Variants in LPP observed in about 807,000 individuals in gnomAD.
LPP encodes the protein lipoma-preferred partner.
A neutral mutation model predicts 60.4 loss-of-function variants in LPP; 38 were observed. That is an observed-to-expected ratio of 0.63 (90% confidence interval 0.49 to 0.83). The LOEUF (loss-of-function observed/expected upper bound fraction) is 0.83. Ranked by LOEUF, LPP falls within the 40% of genes least tolerant of loss-of-function variation. The pLI is 0.00. For missense variants in LPP, 902 were observed against 783.6 expected (o/e 1.15, Z -1.80); for synonymous variants, 328 against 290.8 (o/e 1.13, Z -1.30).
At chr3:188,489,267 G>A (rs1165206430) in intron 5 of LPP, among the ~76,000 whole-genome samples, 1 of 152,138 alleles carries the variant, frequency 6.6e-6, no homozygotes, top group Non-Finnish European at 1.5e-5. Context: ...TCATTTTATG[G>A]TAAATTATGC....
chr3:188,532,915 C>T (rs573663723), intron 6 of LPP, among the ~76,000 whole-genome samples: 9 of 152,202 alleles, frequency 5.9e-5, no homozygotes, highest in South Asian at 2.1e-4. Context: ...ATCCTATAAA[C>T]GATATATTTA....
chr3:188,267,399 G>A (rs1284646301), intron 2 of LPP, among the ~76,000 whole-genome samples: 1 of 152,154 alleles, frequency 6.6e-6, no homozygotes, highest in African/African-American at 2.4e-5. Flanking sequence ...TTGGATGTCG[G>A]TGTTTTCAGA....
intron 9 of LPP, among the ~76,000 whole-genome samples, chr3:188,766,745 C>T (rs1311403575): frequency 2.0e-5 from 3 of 152,084 alleles, no homozygotes; most frequent in African/African-American, 7.2e-5. Context: ...CATTAATGTA[C>T]GCCCATTAGA....
chr3:188,401,539 T>C (rs1373664432), intron 3 of LPP, among the ~76,000 whole-genome samples: 1 of 152,236 alleles, frequency 6.6e-6, no homozygotes, highest in Non-Finnish European at 1.5e-5. Flanking sequence ...TTGCTCTCTT[T>C]CTCTTTTCAC....
chr3:188,586,555 T>C (rs576755898), intron 6 of LPP, among the ~76,000 whole-genome samples: 3 of 152,244 alleles, frequency 2.0e-5, no homozygotes, highest in African/African-American at 7.2e-5. Flanking sequence ...AAATTAGTAA[T>C]TATTAATTGT....
At chr3:188,593,473 G>C (rs575101537) in intron 6 of LPP, among the ~76,000 whole-genome samples, 1 of 151,956 alleles carries the variant, frequency 6.6e-6, no homozygotes, top group African/African-American at 2.4e-5. Flanking sequence ...AGTTATTGGG[G>C]TATAGGTGGT....
intron 6 of LPP, among the ~76,000 whole-genome samples, chr3:188,545,399 G>T (rs574016380): frequency 3.9e-5 from 6 of 152,006 alleles, no homozygotes; most frequent in Non-Finnish European, 8.8e-5. Flanking sequence ...GATAAGTACT[G>T]GTTCATATAA....
intron 8 of LPP, among the ~76,000 whole-genome samples, chr3:188,735,245 A>G (rs1722070710): frequency 6.6e-6 from 1 of 152,144 alleles, no homozygotes; most frequent in Admixed American, 6.5e-5. Context: ...GAGCTCTCCT[A>G]ATTATATCAA....
At chr3:188,280,298 G>T (rs1032112251) in intron 2 of LPP, among the ~76,000 whole-genome samples, 1 of 152,156 alleles carries the variant, frequency 6.6e-6, no homozygotes, top group African/African-American at 2.4e-5. Flanking sequence ...TCTATCAAGG[G>T]GGTGGGTCAT....
At chr3:188,794,777 A>G (rs753525705) in intron 9 of LPP, among the ~76,000 whole-genome samples, 3 of 151,972 alleles carry the variant, frequency 2.0e-5, no homozygotes, top group Non-Finnish European at 4.4e-5. Context: ...TGGCCCCAAG[A>G]TTATGCTCAG....
intron 5 of LPP, among the ~76,000 whole-genome samples, chr3:188,511,646 C>T (rs539466840): frequency 2.9e-4 from 44 of 152,114 alleles, no homozygotes; most frequent in African/African-American, 8.9e-4. Context: ...ATTTACTGCC[C>T]GAGTAACCCT....
intron 7 of LPP, among the ~76,000 whole-genome samples, chr3:188,688,407 T>C (rs1237522839): frequency 6.6e-6 from 1 of 152,248 alleles, no homozygotes; most frequent in East Asian, 1.9e-4. Flanking sequence ...AGGCATTATA[T>C]TGATGCCTCT....
intron 6 of LPP, among the ~76,000 whole-genome samples, chr3:188,599,834 G>C (rs1840770367): frequency 6.7e-6 from 1 of 149,036 alleles, no homozygotes; most frequent in Non-Finnish European, 1.5e-5. Context: ...ATTAGTATTA[G>C]TAGTATATTG....
chr3:188,741,194 C>T (rs755467045), intron 8 of LPP, among the ~76,000 whole-genome samples: 3 of 151,418 alleles, frequency 2.0e-5, no homozygotes, highest in Non-Finnish European at 4.4e-5. Context: ...AAAAGTAGAC[C>T]CTTCCTTGAT....
intron 4 of LPP, among the ~76,000 whole-genome samples, chr3:188,433,170 C>T (rs376252534): frequency 6.7e-4 from 102 of 152,160 alleles, no homozygotes; most frequent in Admixed American, 4.1e-3. Flanking sequence ...AAGGAGGTGG[C>T]GTGGAGCTTT....
chr3:188,689,792 A>T (rs1861685279), intron 7 of LPP, among the ~76,000 whole-genome samples: 1 of 152,214 alleles, frequency 6.6e-6, no homozygotes, highest in Non-Finnish European at 1.5e-5. Context: ...GACTTGCCCA[A>T]ATCCATATAG....
At chr3:188,426,804 G>A (rs1789494446) in intron 4 of LPP, among the ~76,000 whole-genome samples, 1 of 151,934 alleles carries the variant, frequency 6.6e-6, no homozygotes, top group South Asian at 2.1e-4. Context: ...CGTTTGCTTG[G>A]TAAATATTCC....
At chr3:188,603,261 G>C (rs1841778234) in intron 6 of LPP, among the ~76,000 whole-genome samples, 1 of 151,234 alleles carries the variant, frequency 6.6e-6, no homozygotes, top group African/African-American at 2.4e-5. Context: ...TTTCTTCTAG[G>C]AGAGAGAAAG....
rs561676535 is a variant in LPP, at chr3:188,282,079, A to G, written c.-67+56552A>G. 1.5e-4 allele frequency among the ~76,000 whole-genome samples: 22 copies of G among 148,190 alleles called. No individual in the cohort carries two copies. The South Asian group carries it at 3.2e-3, about 22-fold the overall frequency. ...CCTCCTCTCTTTTCCCTTCCCTTAT[A>G]TTCTGTTTTCTTACCGTTCGTCTCC... On this transcript the variant is annotated intron_variant, in intron 2 of 11. Transcript: ENST00000617246.
Sources: gnomAD v4.1 joint callset for allele counts (sites outside exome capture counted in the v4.1 genomes callset) on GRCh38, gnomAD v4.1.1 for gene constraint, MANE v1.5 for transcripts, NCBI Gene and HGNC (gene_info 2026-07-23, HGNC 2026-07-21) for gene names.